The following MDGA2 variants were observed in gnomAD, a reference collection of about 807,000 sequenced individuals.
MDGA2 encodes the protein MAM domain-containing glycosylphosphatidylinositol anchor protein 2.
In MDGA2, 40 loss-of-function variants were observed where a neutral mutation model predicts 117.8. That is an observed-to-expected ratio of 0.34 (90% confidence interval 0.26 to 0.44). The LOEUF is 0.44. Ranked by LOEUF, MDGA2 falls within the 20% of genes least tolerant of loss-of-function variation. MDGA2 has a pLI of 1.00. For missense variants in MDGA2, 1,123 were observed against 1,250.6 expected (o/e 0.90, Z 1.54); for synonymous variants, 452 against 439.0 (o/e 1.03, Z -0.37).
intron 3 of MDGA2, among the ~76,000 whole-genome samples, chr14:47,166,860 G>T (rs1321474128): frequency 2.0e-5 from 3 of 152,114 alleles, no homozygotes; most frequent in Non-Finnish European, 4.4e-5. Flanking sequence ...ATTACCAAAT[G>T]CTCCTCATTC....
At chr14:46,959,880 C>T (rs1260037833) in intron 8 of MDGA2, among the ~76,000 whole-genome samples, 1 of 152,130 alleles carries the variant, frequency 6.6e-6, no homozygotes, top group Non-Finnish European at 1.5e-5. Flanking sequence ...TATTCTCATT[C>T]TAACGTGTTA....
intron 3 of MDGA2, among the ~76,000 whole-genome samples, chr14:47,160,156 A>C (rs1305426395): frequency 4.6e-5 from 7 of 152,176 alleles, no homozygotes; most frequent in Non-Finnish European, 1.0e-4. Flanking sequence ...ATCATGTATT[A>C]AAGTTTCACA....
At chr14:47,300,338 G>C (rs144884500) in intron 2 of MDGA2, among the ~76,000 whole-genome samples, 2 of 152,120 alleles carry the variant, frequency 1.3e-5, no homozygotes, top group African/African-American at 4.8e-5. Flanking sequence ...AGCTAGTAAG[G>C]TCATTGACAA....
chr14:47,339,438 T>A (rs942567525), intron 1 of MDGA2, among the ~76,000 whole-genome samples: 2 of 152,104 alleles, frequency 1.3e-5, no homozygotes, highest in Non-Finnish European at 2.9e-5. Flanking sequence ...TGTGGTGGTA[T>A]TGTGGTCAGT....
At chr14:47,333,765 T>G (rs1013391285) in intron 1 of MDGA2, among the ~76,000 whole-genome samples, 3 of 151,878 alleles carry the variant, frequency 2.0e-5, no homozygotes, top group African/African-American at 7.2e-5. Context: ...CAGATAAAAA[T>G]GATCTCAAAT....
At chr14:47,137,003 C>T (rs1882490210) in intron 4 of MDGA2, among the ~76,000 whole-genome samples, 1 of 152,292 alleles carries the variant, frequency 6.6e-6, no homozygotes, top group Non-Finnish European at 1.5e-5. Flanking sequence ...TACAGAGAAT[C>T]AACATCAATG....
intron 1 of MDGA2, among the ~76,000 whole-genome samples, chr14:47,472,972 G>C (rs1446337774): frequency 6.6e-6 from 1 of 152,048 alleles, no homozygotes; most frequent in Non-Finnish European, 1.5e-5. Flanking sequence ...CAATTCTACA[G>C]TTGTATAACT....
chr14:47,190,810 T>C (rs998583061), intron 3 of MDGA2, among the ~76,000 whole-genome samples: 1 of 152,174 alleles, frequency 6.6e-6, no homozygotes, highest in Non-Finnish European at 1.5e-5. Flanking sequence ...ATATTCATAG[T>C]TGAATACAGC....
chr14:47,385,001 G>A (rs1891725852), intron 1 of MDGA2, among the ~76,000 whole-genome samples: 1 of 152,228 alleles, frequency 6.6e-6, no homozygotes, highest in African/African-American at 2.4e-5. Flanking sequence ...CTTGATGTGA[G>A]CAGACATGAT....
chr14:47,189,055 C>A (rs1566672682), intron 3 of MDGA2, among the ~76,000 whole-genome samples: 1 of 152,086 alleles, frequency 6.6e-6, no homozygotes, highest in Admixed American at 6.6e-5. Flanking sequence ...TTGTTGGTGA[C>A]AGCTCACTTA....
intron 1 of MDGA2, among the ~76,000 whole-genome samples, chr14:47,348,108 A>G (rs1207923004): frequency 1.3e-5 from 2 of 151,928 alleles, no homozygotes; most frequent in African/African-American, 2.4e-5. Context: ...AGGAATACTT[A>G]GAATTGAAGA....
intron 1 of MDGA2, among the ~76,000 whole-genome samples, chr14:47,553,658 T>C (rs1437376198): frequency 6.6e-6 from 1 of 152,172 alleles, no homozygotes; most frequent in Non-Finnish European, 1.5e-5. Context: ...AGTATGTGTA[T>C]ACATATGTGT....
chr14:47,130,189 A>T (rs1230949911), intron 5 of MDGA2, among the ~76,000 whole-genome samples: 1 of 151,862 alleles, frequency 6.6e-6, no homozygotes, highest in Non-Finnish European at 1.5e-5. Flanking sequence ...CTGAATGGTA[A>T]TGCCTAGGTT....
At chr14:47,199,834 A>T (rs1401779446) in intron 3 of MDGA2, among the ~76,000 whole-genome samples, 2 of 152,192 alleles carry the variant, frequency 1.3e-5, no homozygotes, top group Non-Finnish European at 2.9e-5. Flanking sequence ...TTAGAACAAC[A>T]TAATGTATGA....
chr14:47,349,320 C>G (rs1890828507), intron 1 of MDGA2, among the ~76,000 whole-genome samples: 6 of 152,190 alleles, frequency 3.9e-5, no homozygotes, highest in Admixed American at 3.9e-4. Context: ...TCAAAGAGAT[C>G]AAATGGGTTT....
At chr14:47,137,243 G>A (rs1329556971) in intron 4 of MDGA2, among the ~76,000 whole-genome samples, 2 of 152,078 alleles carry the variant, frequency 1.3e-5, no homozygotes, top group Non-Finnish European at 2.9e-5. Context: ...AAATACAATG[G>A]TATGCACATC....
At chr14:47,340,231 C>T (rs1324034286) in intron 1 of MDGA2, among the ~76,000 whole-genome samples, 1 of 152,030 alleles carries the variant, frequency 6.6e-6, no homozygotes, top group Non-Finnish European at 1.5e-5. Context: ...GCAGGATATA[C>T]TCAATTGGAA....
intron 3 of MDGA2, among the ~76,000 whole-genome samples, chr14:47,207,730 A>G (rs1245002773): frequency 6.6e-6 from 1 of 152,052 alleles, no homozygotes; most frequent in South Asian, 2.1e-4. Context: ...TATCTGCCTC[A>G]GCATTACCTC....
At chr14:46,966,581 T>C (rs1030550607) in intron 8 of MDGA2, among the ~76,000 whole-genome samples, 1 of 152,162 alleles carries the variant, frequency 6.6e-6, no homozygotes, top group Non-Finnish European at 1.5e-5. Flanking sequence ...AACTGCAGTT[T>C]ATATGGCAAT....
Sources: gnomAD v4.1 joint callset for allele counts (sites outside exome capture counted in the v4.1 genomes callset) on GRCh38, gnomAD v4.1.1 for gene constraint, MANE v1.5 for transcripts, NCBI Gene and HGNC (gene_info 2026-07-23, HGNC 2026-07-21) for gene names.